EML5: variants seen among roughly 807,000 people sequenced by gnomAD.
EML5 encodes echinoderm microtubule-associated protein-like 5.
A neutral mutation model predicts 250.0 loss-of-function variants in EML5; 120 were observed. That is an observed-to-expected ratio of 0.48 (90% CI 0.41 to 0.56). EML5 has a LOEUF of 0.56. Ranked by LOEUF, EML5 falls within the 20% of genes least tolerant of loss-of-function variation. The pLI is 0.00. For missense variants in EML5, 2,006 were observed against 2,437.6 expected, an observed-to-expected ratio of 0.82 and a Z score of 3.73; for synonymous variants, 771 against 806.5, an observed-to-expected ratio of 0.96 and a Z score of 0.75.
chr14:88,744,153 C>A, intron 3 of EML5, 62 bp from the exon 4 acceptor site: 2 of 1,200,416 alleles, frequency 1.7e-6, no homozygotes, highest in South Asian at 1.7e-5. Flanking sequence ...AAAATCCTGT[C>A]CAAAAGACCA....
intron 24 of EML5, among the ~76,000 whole-genome samples, chr14:88,662,351 T>G (rs2092141580): frequency 2.1e-5 from 3 of 141,940 alleles, no homozygotes; most frequent in African/African-American, 5.6e-5. Context: ...TTTTTTTTTT[T>G]TTTTTTTTTT....
chr14:88,740,804 T>A (rs564418768), intron 4 of EML5, among the ~76,000 whole-genome samples: 1 of 152,140 alleles, frequency 6.6e-6, no homozygotes, highest in East Asian at 1.9e-4. Context: ...GAATAAGGGG[T>A]TTGAATCAGA....
At chr14:88,771,041 CAT>C (rs941476565) in intron 1 of EML5, among the ~76,000 whole-genome samples, 6 of 152,148 alleles carry the variant, frequency 3.9e-5, no homozygotes, top group Non-Finnish European at 7.4e-5. Context: ...AAGGAAATAA[CAT>C]GTTAAACAAA....
At chr14:88,657,626 G>T in intron 26 of EML5, 124 bp from the exon 27 acceptor site, 1 of 877,788 alleles carries the variant, frequency 1.1e-6, no homozygotes, top group Non-Finnish European at 1.6e-6. Context: ...AAATTATGAA[G>T]TAATATACAA....
intron 7 of EML5, among the ~76,000 whole-genome samples, chr14:88,729,900 T>A (rs1008936658): frequency 6.6e-6 from 1 of 151,446 alleles, no homozygotes; most frequent in Non-Finnish European, 1.5e-5. Flanking sequence ...TAATGTATTG[T>A]CTATGGCTTA....
At chr14:88,738,855 A>G in intron 6 of EML5, 24 bp downstream of exon 6, 1 of 1,548,450 alleles carries the variant, frequency 6.5e-7, no homozygotes, top group Non-Finnish European at 8.7e-7. Flanking sequence ...TTGCCTAGTA[A>G]TAAGACATTT....
At chr14:88,672,289 A>T (rs1454105240) in intron 21 of EML5, among the ~76,000 whole-genome samples, 1 of 152,116 alleles carries the variant, frequency 6.6e-6, no homozygotes, top group Admixed American at 6.6e-5. Context: ...ACCTGCTCCT[A>T]AATGACTCCT....
chr14:88,739,002 TAA>T lies in EML5; in HGVS notation c.722_723del (p.Phe241Ter), dbSNP rs751645859. On this transcript the variant is annotated frameshift_variant, in exon 6 of 44. Coordinates refer to ENST00000554922, the MANE Select transcript of EML5 (RefSeq NM_183387.3). LOFTEE classifies it high-confidence loss of function. ...AAGCCTTCTTCACAAGCATTCATGC[TAA>T]AAATTCCTGCCTAGAAGAGGAAATA... ...TIQGAHAAGI[F>X]SMNACEEGFA... 4 of 1,604,176 alleles carry T rather than the reference TAA, an allele frequency of 2.5e-6. No homozygotes were observed. In the African/African-American group the frequency reaches 5.4e-5, roughly 22 times the overall value.
intron 21 of EML5, among the ~76,000 whole-genome samples, chr14:88,666,785 A>G (rs2092320217): frequency 6.6e-6 from 1 of 152,180 alleles, no homozygotes; most frequent in Admixed American, 6.5e-5. Context: ...GGATTTTGGT[A>G]TCTTGTATGA....
chr14:88,741,692 T>G (rs560645699), intron 4 of EML5, among the ~76,000 whole-genome samples: 1 of 152,066 alleles, frequency 6.6e-6, no homozygotes, highest in Non-Finnish European at 1.5e-5. Context: ...CACTCCAGCA[T>G]GGGCCACATG....
intron 20 of EML5, among the ~76,000 whole-genome samples, chr14:88,684,636 A>C (rs1333832379): frequency 6.6e-6 from 1 of 152,024 alleles, no homozygotes; most frequent in Non-Finnish European, 1.5e-5. Context: ...AAAATTAAAA[A>C]CAGACTGGGT....
At chr14:88,724,645 C>T (rs1424639412) in intron 8 of EML5, among the ~76,000 whole-genome samples, 2 of 152,108 alleles carry the variant, frequency 1.3e-5, no homozygotes, top group African/African-American at 4.8e-5. Flanking sequence ...ATCTTAAATT[C>T]TTGTAAAACC....
chr14:88,668,547 A>C (rs1047769739), intron 21 of EML5, among the ~76,000 whole-genome samples: 4 of 152,172 alleles, frequency 2.6e-5, no homozygotes, highest in African/African-American at 9.7e-5. Flanking sequence ...GTAGGGAAAA[A>C]AGCCTAATTG....
chr14:88,687,682 T>TA (rs60829379), intron 18 of EML5, among the ~76,000 whole-genome samples: 97,409 of 151,740 alleles, frequency 0.64, 33,321 homozygotes, highest in East Asian at 0.94. Flanking sequence ...AACTACCTGA[T>TA]GGATATGGTG....
At chr14:88,777,821 A>G (rs923796327) in intron 1 of EML5, among the ~76,000 whole-genome samples, 1 of 152,160 alleles carries the variant, frequency 6.6e-6, no homozygotes. Context: ...CAAAAACTAC[A>G]AAAATTAGCT....
Position 88,687,384 on chromosome 14 carries a change from AC to A in EML5, c.2743-58del, listed in dbSNP as rs1386698739. ...GATCTAAATATTTTTTAAAATAGTA[AC>A]CTTTTTCCTTATATTGAAAACTTCT... On this transcript the variant is annotated intron_variant, in intron 18 of 43. Coordinates refer to ENST00000554922, the MANE Select transcript of EML5 (RefSeq NM_183387.3). 9.7e-6 allele frequency: 12 copies of A among 1,237,708 alleles called. No individual in the cohort carries two copies. The Admixed American group carries it at 3.1e-4, about 32-fold the overall frequency. 76.7% of individuals were successfully genotyped at this position (1,237,708 alleles called of 1,614,324 possible).
At chr14:88,785,793 G>T (rs1025203172) in intron 1 of EML5, among the ~76,000 whole-genome samples, 2 of 152,148 alleles carry the variant, frequency 1.3e-5, no homozygotes, top group Admixed American at 6.6e-5. Context: ...AGTCTCCTAA[G>T]TGGTCTCCCT....
At chr14:88,723,656 T>A (rs374489383) in intron 8 of EML5, among the ~76,000 whole-genome samples, 1 of 152,214 alleles carries the variant, frequency 6.6e-6, no homozygotes, top group Non-Finnish European at 1.5e-5. Context: ...ACTAGCTTGA[T>A]GTAATCATTT....
chr14:88,642,042 C>T (rs1455125289), intron 31 of EML5, among the ~76,000 whole-genome samples: 1 of 151,992 alleles, frequency 6.6e-6, no homozygotes, highest in Non-Finnish European at 1.5e-5. Context: ...CTGGTGAATC[C>T]TTTTCTTTAT....
Sources: gnomAD v4.1 joint callset for allele counts (sites outside exome capture counted in the v4.1 genomes callset) on GRCh38, gnomAD v4.1.1 for gene constraint, MANE v1.5 for transcripts, NCBI Gene and HGNC (gene_info 2026-07-23, HGNC 2026-07-21) for gene names.